The following TMEM117 variants were observed in gnomAD, a reference collection of about 807,000 sequenced individuals.
TMEM117 encodes transmembrane protein 117.
TMEM117 carries 27 observed loss-of-function variants against 52.4 expected under a neutral mutation model. The ratio of observed to expected loss-of-function variants is 0.51; its 90% CI spans 0.38 to 0.71. The LOEUF is 0.71. TMEM117 is among the 30% of genes least tolerant of loss of function. The pLI is 0.00. For missense variants in TMEM117, 556 were observed against 630.5 expected (o/e 0.88, Z 1.26); for synonymous variants, 215 against 206.3 (o/e 1.04, Z -0.36).
chr12:44,222,808 T>A (rs1949806205), intron 5 of TMEM117, among the ~76,000 whole-genome samples: 1 of 152,166 alleles, frequency 6.6e-6, no homozygotes, highest in Non-Finnish European at 1.5e-5. Flanking sequence ...GGCTTAATAG[T>A]TCCAAAACAG....
chr12:44,331,339 A>G (rs528225409), intron 6 of TMEM117, among the ~76,000 whole-genome samples: 9 of 152,108 alleles, frequency 5.9e-5, no homozygotes, highest in African/African-American at 2.2e-4. Flanking sequence ...CAAATCAGAC[A>G]TTGTCACAAG....
intron 3 of TMEM117, among the ~76,000 whole-genome samples, chr12:44,094,574 T>C (rs1468264530): frequency 6.6e-6 from 1 of 152,104 alleles, no homozygotes; most frequent in African/African-American, 2.4e-5. Context: ...CAATTCTAGA[T>C]GGTTGATAAA....
the TMEM117 span, among the ~76,000 whole-genome samples, chr12:43,815,512 A>G: frequency 6.6e-6 from 1 of 152,200 alleles, no homozygotes; most frequent in African/African-American, 2.4e-5. Context: ...GGATACACAG[A>G]GGTACATTTT....
intron 6 of TMEM117, among the ~76,000 whole-genome samples, chr12:44,348,349 C>T (rs1195356701): frequency 6.6e-6 from 1 of 151,732 alleles, no homozygotes; most frequent in East Asian, 2.0e-4. Context: ...ACTCTTCACC[C>T]TCAAACTTCT....
intron 5 of TMEM117, among the ~76,000 whole-genome samples, chr12:44,268,419 C>T (rs1188820488): frequency 6.6e-6 from 1 of 152,088 alleles, no homozygotes; most frequent in Non-Finnish European, 1.5e-5. Context: ...CTTGGGATTA[C>T]AGACATGAGC....
chr12:43,813,478 C>A, the TMEM117 span, among the ~76,000 whole-genome samples: 1 of 151,858 alleles, frequency 6.6e-6, no homozygotes, highest in East Asian at 1.9e-4. Context: ...CTACTGGCTT[C>A]GGCCTCCCAA....
chr12:44,144,744 G>A (rs1393265849), intron 4 of TMEM117, among the ~76,000 whole-genome samples: 1 of 152,186 alleles, frequency 6.6e-6, no homozygotes, highest in Admixed American at 6.5e-5. Context: ...ACAGATTACT[G>A]TATGGATTCT....
chr12:44,393,848 C>T (rs565882045), downstream of TMEM117, among the ~76,000 whole-genome samples: 3 of 152,236 alleles, frequency 2.0e-5, no homozygotes, highest in Non-Finnish European at 2.9e-5. Flanking sequence ...TTCATTGCCC[C>T]GTGTTTTGAT....
rs772583674 is a variant in TMEM117, at chr12:43,863,279, C to CA, written c.277+18354dup. On this transcript the variant is annotated intron_variant, in intron 2 of 7. Transcript: ENST00000266534. ...CAACAACAACAAACAAACAAACAAA[C>CA]AAACAAAACTTCAAGGAAGTTAATG... is the stretch of plus-strand genomic sequence containing the variant. Among the ~76,000 whole-genome samples, 18 of 130,946 alleles carry CA rather than the reference C, an allele frequency of 1.4e-4. 1 individual carries two copies. In the South Asian group the frequency reaches 4.7e-3, roughly 34 times the overall value. The allele number at this position is 130,946 out of a possible 152,430, so 85.9% of individuals were successfully genotyped here.
chr12:44,295,379 T>C (rs1413172846), intron 5 of TMEM117, among the ~76,000 whole-genome samples: 4 of 151,996 alleles, frequency 2.6e-5, no homozygotes, highest in Non-Finnish European at 5.9e-5. Context: ...GAATTTTCTT[T>C]TTTCTTTTTT....
intron 4 of TMEM117, among the ~76,000 whole-genome samples, chr12:44,161,143 CT>C (rs1426567062): frequency 6.6e-6 from 1 of 152,088 alleles, no homozygotes; most frequent in East Asian, 1.9e-4. Flanking sequence ...ACATATTTCT[CT>C]TTACTCAATA....
At chr12:44,180,222 CCATCATCATCAT>C (rs571227123) in intron 4 of TMEM117, among the ~76,000 whole-genome samples, 1 of 151,758 alleles carries the variant, frequency 6.6e-6, no homozygotes, top group African/African-American at 2.4e-5. Context: ...ATCACCATCA[CCATCATCATCAT>C]CATCATCGTC....
chr12:43,950,016 T>C (rs577627094), intron 3 of TMEM117, among the ~76,000 whole-genome samples: 1 of 152,340 alleles, frequency 6.6e-6, no homozygotes, highest in African/African-American at 2.4e-5. Flanking sequence ...CAATTTAGTT[T>C]CCTTTTGCCT....
intron 3 of TMEM117, among the ~76,000 whole-genome samples, chr12:44,093,602 A>G (rs1000181672): frequency 6.6e-6 from 1 of 152,090 alleles, no homozygotes; most frequent in Non-Finnish European, 1.5e-5. Context: ...CAACCATGGG[A>G]AGTTTCTTTT....
intron 3 of TMEM117, among the ~76,000 whole-genome samples, chr12:44,049,491 C>T (rs975823799): frequency 1.3e-5 from 2 of 150,936 alleles, no homozygotes; most frequent in East Asian, 2.0e-4. Flanking sequence ...ACAGGTATAC[C>T]TATGTAACAA....
chr12:44,003,698 G>A (rs1200832479), intron 3 of TMEM117, among the ~76,000 whole-genome samples: 1 of 152,150 alleles, frequency 6.6e-6, no homozygotes, highest in East Asian at 1.9e-4. Flanking sequence ...CCTCAGAAAG[G>A]CAATGGAGTT....
At chr12:44,262,889 G>C (rs866092852) in intron 5 of TMEM117, among the ~76,000 whole-genome samples, 2 of 152,166 alleles carry the variant, frequency 1.3e-5, no homozygotes, top group Non-Finnish European at 2.9e-5. Flanking sequence ...GCCCCGCCGA[G>C]GTTCATTTTT....
chr12:44,154,426 A>G (rs1948797704), intron 4 of TMEM117, among the ~76,000 whole-genome samples: 1 of 152,092 alleles, frequency 6.6e-6, no homozygotes, highest in Non-Finnish European at 1.5e-5. Context: ...AGTGAGAGTG[A>G]GATGAAACAG....
chr12:44,020,018 A>C (rs1946432684), intron 3 of TMEM117, among the ~76,000 whole-genome samples: 1 of 152,206 alleles, frequency 6.6e-6, no homozygotes, highest in Non-Finnish European at 1.5e-5. Context: ...TCTGTGTAGC[A>C]TAGGGAATGG....
Sources: gnomAD v4.1 joint callset for allele counts (sites outside exome capture counted in the v4.1 genomes callset) on GRCh38, gnomAD v4.1.1 for gene constraint, MANE v1.5 for transcripts, NCBI Gene and HGNC (gene_info 2026-07-23, HGNC 2026-07-21) for gene names.